C8A: variants seen among roughly 807,000 people sequenced by gnomAD.
C8A encodes the protein complement component C8 alpha chain.
In C8A, 67 loss-of-function variants were observed where a neutral mutation model predicts 65.3. That is an observed-to-expected ratio of 1.03 (90% CI 0.84 to 1.26). C8A has a LOEUF of 1.26. C8A is among the 50% of genes most tolerant of loss of function. The pLI is 0.00. For synonymous variants in C8A, 290 were observed against 259.4 expected (o/e 1.12, Z -1.13); for missense variants, 781 against 723.9 (o/e 1.08, Z -0.90).
chr1:56,862,509 A>C (rs1396530296), intron 1 of C8A, among the ~76,000 whole-genome samples: 1 of 152,148 alleles, frequency 6.6e-6, no homozygotes, highest in Non-Finnish European at 1.5e-5. Context: ...GTTCATCCAA[A>C]TGTATTTGAC....
intron 4 of C8A, among the ~76,000 whole-genome samples, chr1:56,880,849 T>A (rs1309910929): frequency 6.6e-6 from 1 of 152,174 alleles, no homozygotes; most frequent in Non-Finnish European, 1.5e-5. Context: ...TTTTTACAAA[T>A]GACTAAACCG....
intron 7 of C8A, among the ~76,000 whole-genome samples, chr1:56,891,725 C>A (rs1332978657): frequency 6.6e-6 from 1 of 151,962 alleles, no homozygotes; most frequent in African/African-American, 2.4e-5. Context: ...AGTGTGTGTG[C>A]ATGCACACAT....
intron 7 of C8A, among the ~76,000 whole-genome samples, chr1:56,900,114 T>C (rs1480427332): frequency 6.6e-6 from 1 of 152,170 alleles, no homozygotes; most frequent in Non-Finnish European, 1.5e-5. Flanking sequence ...GCTTCCTTTC[T>C]CTAAGCTTCT....
intron 1 of C8A, 87 bp downstream of exon 1, chr1:56,855,065 T>C: frequency 1.0e-6 from 1 of 975,452 alleles, no homozygotes; most frequent in Non-Finnish European, 1.6e-6. Context: ...CAGCAGAGGC[T>C]GTGTTAGAAT....
At chr1:56,874,896 G>T in intron 2 of C8A, 53 bp from the exon 3 acceptor site, 2 of 1,605,290 alleles carry the variant, frequency 1.2e-6, no homozygotes, top group South Asian at 1.1e-5. Flanking sequence ...ACAAGTCTTG[G>T]TTGATTGATT....
At chr1:56,880,964 A>G (rs1570328184) in intron 4 of C8A, among the ~76,000 whole-genome samples, 1 of 152,276 alleles carries the variant, frequency 6.6e-6, no homozygotes, top group African/African-American at 2.4e-5. Flanking sequence ...ATTCATGATA[A>G]TTGCACATAT....
rs1004184622 is a variant in C8A, at chr1:56,897,219, T to C, written c.1097-9448T>C. 3.3e-5 allele frequency among the ~76,000 whole-genome samples: 5 copies of C among 152,294 alleles called. No individual in the cohort carries two copies. The East Asian group carries it at 7.7e-4, about 23-fold the overall frequency. On this transcript the variant is annotated intron_variant, in intron 7 of 10. Coordinates refer to ENST00000361249, the MANE Select transcript of C8A (RefSeq NM_000562.3). ...TTCTAAATGTAATGTTGAGTCAGTTTGACCCATTGATTGGGAATTGTAACT... is the reference window on the plus strand; with the variant it reads ...TTCTAAATGTAATGTTGAGTCAGTTCGACCCATTGATTGGGAATTGTAACT...
chr1:56,870,697 A>G (rs925913379), intron 2 of C8A, among the ~76,000 whole-genome samples: 1 of 152,178 alleles, frequency 6.6e-6, no homozygotes, highest in Non-Finnish European at 1.5e-5. Context: ...TATTTATTTC[A>G]GTTTAGACAG....
chr1:56,868,511 A>G (rs1644113363), intron 2 of C8A, among the ~76,000 whole-genome samples: 1 of 151,920 alleles, frequency 6.6e-6, no homozygotes, highest in Non-Finnish European at 1.5e-5. Context: ...CCAGCTACTC[A>G]GGAGGCTGAG....
chr1:56,865,699 C>A (rs564403531), intron 1 of C8A, among the ~76,000 whole-genome samples: 1 of 152,226 alleles, frequency 6.6e-6, no homozygotes, highest in Admixed American at 6.5e-5. Flanking sequence ...GAGACCCTAT[C>A]ATTTCAAGGA....
At chr1:56,889,400 G>A (rs1270194505) in intron 7 of C8A, among the ~76,000 whole-genome samples, 1 of 152,042 alleles carries the variant, frequency 6.6e-6, no homozygotes, top group African/African-American at 2.4e-5. Flanking sequence ...TATTGGGCTG[G>A]TTCAAAAGTA....
In C8A at chr1:56,881,510, G is replaced by A. The variant is rs1397416098; in HGVS notation, c.530G>A (p.Cys177Tyr). Residue 177 changes from cysteine to tyrosine, a missense_variant, in exon 5 of 11, where the codon TGT becomes TAT. Coordinates refer to ENST00000361249, the MANE Select transcript of C8A (RefSeq NM_000562.3). ...GATGCCAGTTATTATGGGGGCCAGTGTGAGACGGTATACAATGGGGAATGG... is the reference window on the plus strand; with the variant it reads ...GATGCCAGTTATTATGGGGGCCAGTATGAGACGGTATACAATGGGGAATGG... ...VYDASYYGGQ[C>Y]ETVYNGEWRE... 1 of 1,613,842 alleles carries A rather than the reference G, an allele frequency of 6.2e-7. No individual in the cohort carries two copies. Among genetic ancestry groups the A allele is most frequent in the Non-Finnish European group, 8.5e-7 (1 of 1,179,804 alleles).
chr1:56,860,586 A>G (rs1644024375), intron 1 of C8A, among the ~76,000 whole-genome samples: 1 of 152,248 alleles, frequency 6.6e-6, no homozygotes, highest in Admixed American at 6.5e-5. Flanking sequence ...ACAGGAAGGC[A>G]TAACAAGGAG....
chr1:56,892,541 A>T (rs970718871), intron 7 of C8A, among the ~76,000 whole-genome samples: 2 of 151,918 alleles, frequency 1.3e-5, no homozygotes, highest in Non-Finnish European at 2.9e-5. Flanking sequence ...CTCTCCCCCT[A>T]CATATCTCAT....
chr1:56,906,543 C>A, intron 7 of C8A, 124 bp from the exon 8 acceptor site: 4 of 1,081,652 alleles, frequency 3.7e-6, no homozygotes, highest in South Asian at 2.6e-5. Flanking sequence ...AAGAACCGGG[C>A]TTTCAACCCA....
At chr1:56,864,251 T>A (rs1266140764) in intron 1 of C8A, among the ~76,000 whole-genome samples, 1 of 152,206 alleles carries the variant, frequency 6.6e-6, no homozygotes, top group Admixed American at 6.5e-5. Flanking sequence ...GGTAGATAAT[T>A]GGATTCATTC....
intron 1 of C8A, among the ~76,000 whole-genome samples, chr1:56,859,412 T>C (rs1437898255): frequency 1.3e-5 from 2 of 152,212 alleles, no homozygotes; most frequent in Non-Finnish European, 2.9e-5. Flanking sequence ...TCCATGTATA[T>C]GGCACTATGT....
chr1:56,866,714 G>A (rs1393204828), intron 1 of C8A, among the ~76,000 whole-genome samples: 1 of 152,206 alleles, frequency 6.6e-6, no homozygotes, highest in African/African-American at 2.4e-5. Context: ...TGAAGTTGTA[G>A]CAGTGGTACT....
At chr1:56,894,035 C>A (rs1644369270) in intron 7 of C8A, among the ~76,000 whole-genome samples, 1 of 152,056 alleles carries the variant, frequency 6.6e-6, no homozygotes. Context: ...AAAAATGTTA[C>A]CTATTATTGC....
Sources: allele counts gnomAD v4.1 joint callset (sites outside exome capture counted in the v4.1 genomes callset), GRCh38; gene constraint gnomAD v4.1.1; transcripts MANE v1.5; gene names NCBI Gene and HGNC (gene_info 2026-07-23, HGNC 2026-07-21).